Variants in MMS22L observed in about 807,000 individuals in gnomAD.
MMS22L encodes protein MMS22-like.
In MMS22L, 74 loss-of-function variants were observed where a neutral mutation model predicts 159.1. That is an observed-to-expected ratio of 0.47 (90% CI 0.39 to 0.56). The LOEUF (loss-of-function observed/expected upper bound fraction) is 0.56, where lower values mean the gene tolerates loss of function less well. Ranked by LOEUF, MMS22L falls within the 20% of genes least tolerant of loss-of-function variation. The pLI is 0.00. For missense variants in MMS22L, 1,351 were observed against 1,422.1 expected (o/e 0.95, Z 0.80); for synonymous variants, 517 against 506.9 (o/e 1.02, Z -0.27).
chr6:97,282,801 G>T (rs890269481), intron 1 of MMS22L, among the ~76,000 whole-genome samples: 3 of 152,202 alleles, frequency 2.0e-5, no homozygotes, highest in Non-Finnish European at 4.4e-5. Context: ...GAAAAGCAAA[G>T]AAATGTCTGC....
At chr6:97,215,280 C>T (rs750738097) in intron 14 of MMS22L, among the ~76,000 whole-genome samples, 14 of 152,000 alleles carry the variant, frequency 9.2e-5, no homozygotes, top group Non-Finnish European at 1.8e-4. Context: ...CGGCTCTGCT[C>T]TGCACAGTAG....
At chr6:97,215,072 C>G (rs1808841855) in intron 14 of MMS22L, among the ~76,000 whole-genome samples, 1 of 146,886 alleles carries the variant, frequency 6.8e-6, no homozygotes, top group Non-Finnish European at 1.5e-5. Context: ...TGATTTTTTT[C>G]ACAATTAATC....
intron 21 of MMS22L, among the ~76,000 whole-genome samples, chr6:97,164,822 A>T (rs1206123): frequency 0.8 from 121,810 of 151,640 alleles, 49,846 homozygotes; most frequent in East Asian, 1. Context: ...TTTCACCATG[A>T]TGGCCAGGCT....
intron 4 of MMS22L, among the ~76,000 whole-genome samples, chr6:97,278,189 G>GGTCAGGAGTTT (rs1411411835): frequency 2.6e-5 from 4 of 152,166 alleles, no homozygotes; most frequent in Non-Finnish European, 5.9e-5. Context: ...GATCACTTGA[G>GGTCAGGAGTTT]GTCAGGAGTT....
intron 14 of MMS22L, among the ~76,000 whole-genome samples, chr6:97,188,972 A>AAATAAT (rs888709616): frequency 6.6e-6 from 1 of 151,484 alleles, no homozygotes; most frequent in Admixed American, 6.6e-5. Flanking sequence ...AATAATTTAA[A>AAATAAT]AATAATAATA....
At chr6:97,157,225 C>A (rs781053730) in intron 22 of MMS22L, among the ~76,000 whole-genome samples, 4 of 152,116 alleles carry the variant, frequency 2.6e-5, no homozygotes, top group Admixed American at 6.6e-5. Context: ...TGGACTGAGA[C>A]GATGGGGTTT....
chr6:97,231,229 T>C lies in MMS22L; in HGVS notation c.1529+197A>G, dbSNP rs114180105. 3,631 of 533,462 alleles carry C rather than the reference T, an allele frequency of 6.8e-3. 107 individuals are homozygous for C. The highest frequency in any genetic ancestry group is 0.063 in the African/African-American group (3,317 of 52,868). The allele number at this position is 533,462 out of a possible 1,614,324, so 33.0% of individuals were successfully genotyped here. On this transcript the variant is annotated intron_variant, in intron 13 of 24. Coordinates refer to ENST00000683635, the MANE Select transcript of MMS22L (RefSeq NM_001350599.2). ...GCTCAAAGAACACAAAAGTTTTATA[T>C]GTTGAAACTATTACCTACCAACGTA...
In MMS22L at chr6:97,263,431, T is replaced by C. The variant is rs1265916910; in HGVS notation, c.846A>G (p.Ser282=). 11 of 1,574,308 alleles carry C rather than the reference T, an allele frequency of 7.0e-6. No individual in the cohort carries two copies. Among genetic ancestry groups the C allele is most frequent in the Non-Finnish European group, 8.6e-6 (10 of 1,166,006 alleles). ...AACATGGACACTGGTCACTCATTAA[T>C]GATTCAGAAGACCTAACCTATAGAA... ...NRYDKVRSSE[S]LMSDQCPCLC... is the part of the protein sequence containing the mutation. The change falls in exon 9 of 25, where the codon TCA becomes TCG. Residue 282 remains serine, a synonymous_variant. Coordinates refer to ENST00000683635, the MANE Select transcript of MMS22L (RefSeq NM_001350599.2).
At chr6:97,181,493 A>G (rs1383297757) in intron 16 of MMS22L, among the ~76,000 whole-genome samples, 1 of 152,164 alleles carries the variant, frequency 6.6e-6, no homozygotes, top group Admixed American at 6.5e-5. Flanking sequence ...TCATGAGTTA[A>G]GAGTGAGTTA....
At position 97,197,061 on chromosome 6, in the gene MMS22L, A is replaced by C. The variant is rs184402753; in HGVS notation, c.2040-10371T>G. On this transcript the variant is annotated intron_variant, in intron 14 of 24. Transcript: ENST00000683635. ...TATAGTCCTGAAGTTAACACACACA[A>C]AAAAAATAAAAATTTTCACGCTGGA... Among the ~76,000 whole-genome samples, 369 of 152,232 alleles carry C rather than the reference A, an allele frequency of 2.4e-3. 4 individuals carry two copies. Among genetic ancestry groups the C allele is most frequent in the African/African-American group, 7.8e-3 (326 of 41,538 alleles).
chr6:97,253,371 G>A lies in MMS22L; in HGVS notation c.1119+1186C>T, dbSNP rs374683621. 23 of 151,930 alleles carry A rather than the reference G, an allele frequency of 1.5e-4. No individual in the cohort carries two copies. In the East Asian group the frequency reaches 2.7e-3, roughly 18 times the overall value. The allele number at this position is 151,930 out of a possible 1,614,324, so 9.4% of individuals were successfully genotyped here. A position where few individuals can be genotyped will look rare whatever the true frequency, so the allele number is the denominator to read the frequency against. The stretch of plus-strand genomic sequence containing the variant: ...CATAAAGCAATGGCTCCCATACCTC[G>A]TAGAGGATGAGAACCAAGGAACTTT... On this transcript the variant is annotated intron_variant, in intron 10 of 24. Transcript: ENST00000683635.
In MMS22L at chr6:97,179,454, A is replaced by G. The variant is rs369910878; in HGVS notation, c.2490T>C (p.Ser830=). The change falls in exon 17 of 25, where the codon TCT becomes TCC. Residue 830 remains serine (S), a synonymous_variant. Transcript: ENST00000683635. ...TATCTATGAGCAAATCATCAGGCCC[A>G]GAGAGGTTTTTAATATACATTTGCA... ...CVLQMYIKNL[S]GPDDLLIDKN... 212 of 1,613,590 alleles carry G rather than the reference A, an allele frequency of 1.3e-4. No individual in the cohort carries two copies. Among genetic ancestry groups the G allele is most frequent in the Non-Finnish European group, 1.7e-4 (200 of 1,179,808 alleles).
chr6:97,168,244 A>G lies in MMS22L; in HGVS notation c.2840-4T>C, dbSNP rs1803178070. On this transcript the variant is annotated splice_polypyrimidine_tract_variant and splice_region_variant and intron_variant, in intron 19 of 24. Coordinates refer to ENST00000683635, the MANE Select transcript of MMS22L (RefSeq NM_001350599.2). ...GCCCATGATTTCACAAGAATTCCTA[A>G]CAAAGAAGAGAAGTAACAGCATGTT... The G allele has an allele frequency of 6.2e-7, 1 of 1,612,052 alleles. No homozygotes were observed. The highest frequency in any genetic ancestry group is 1.3e-5 in the African/African-American group (1 of 74,906).
chr6:97,215,120 T>A (rs1192922830), intron 14 of MMS22L, among the ~76,000 whole-genome samples: 49 of 146,094 alleles, frequency 3.4e-4, no homozygotes, highest in African/African-American at 1.1e-3. Flanking sequence ...ATATATTTTT[T>A]TTTTGCATTG....
intron 14 of MMS22L, among the ~76,000 whole-genome samples, chr6:97,194,910 T>C (rs934119168): frequency 2.6e-5 from 4 of 152,058 alleles, no homozygotes; most frequent in Admixed American, 1.3e-4. Context: ...TTCTAAGCAG[T>C]AGGGTACAAA....
At chr6:97,215,114 A>ATATATATATATATATATAT (rs1209431095) in intron 14 of MMS22L, among the ~76,000 whole-genome samples, 2 of 87,190 alleles carry the variant, frequency 2.3e-5, no homozygotes, top group African/African-American at 7.1e-5. Context: ...ATATATATAT[A>ATATATATATATATATATAT]TTTTTTTTTT....
intron 14 of MMS22L, among the ~76,000 whole-genome samples, chr6:97,222,558 A>G (rs1235562191): frequency 2.0e-5 from 3 of 152,118 alleles, no homozygotes; most frequent in African/African-American, 4.8e-5. Flanking sequence ...GCTTAAATTC[A>G]TAAGTCCACA....
chr6:97,173,249 A>T, intron 18 of MMS22L, 27 bp from the exon 19 acceptor site: 1 of 1,596,702 alleles, frequency 6.3e-7, no homozygotes. Flanking sequence ...ACATTATTTA[A>T]CTTCCCAAAG....
Position 97,269,979 on chromosome 6 carries a change from G to C in MMS22L, c.620C>G (p.Ser207Ter). Reference protein sequence around the residue: ...NQNQIKLFPPSWHLLHLHLDI... With the variant: ...NQNQIKLFPP The stretch of plus-strand genomic sequence containing the variant: ...CAAGTGGAGATGTAATAAATGCCAT[G>C]ACGGTGGAAAAAGCTGTGGATGACA... Residue 207 changes from serine (S) to a stop codon, truncating the protein, a stop_gained, in exon 7 of 25, where the codon TCA becomes TGA. Transcript: ENST00000683635. LOFTEE classifies it high-confidence loss of function. 1 of 1,611,840 alleles carries C rather than the reference G, an allele frequency of 6.2e-7. No individual in the cohort carries two copies. Among genetic ancestry groups the C allele is most frequent in the Non-Finnish European group, 8.5e-7 (1 of 1,178,854 alleles).
Sources: allele counts gnomAD v4.1 joint callset (sites outside exome capture counted in the v4.1 genomes callset), GRCh38; gene constraint gnomAD v4.1.1; transcripts MANE v1.5; gene names NCBI Gene and HGNC (gene_info 2026-07-23, HGNC 2026-07-21).